LARGE1: variants seen among roughly 807,000 people sequenced by gnomAD.
LARGE1 encodes xylosyl- and glucuronyltransferase LARGE1.
LARGE1 carries 43 observed loss-of-function variants against 87.6 expected under a neutral mutation model. The observed-to-expected ratio is 0.49, with a 90% CI of 0.38 to 0.63. LARGE1 has a LOEUF of 0.63. LARGE1 is among the 30% of genes least tolerant of loss of function. LARGE1 has a pLI of 0.00. For missense variants in LARGE1, 802 were observed against 1,000.2 expected (o/e 0.80, Z 2.67); for synonymous variants, 434 against 394.6 (o/e 1.10, Z -1.18).
intron 6 of LARGE1, among the ~76,000 whole-genome samples, chr22:33,511,505 C>T (rs1235515780): frequency 6.6e-6 from 1 of 152,096 alleles, no homozygotes. Context: ...TTTTAGGTGA[C>T]CTAAGAAGTA....
At chr22:33,471,910 C>T (rs988813864) in intron 6 of LARGE1, among the ~76,000 whole-genome samples, 2 of 152,026 alleles carry the variant, frequency 1.3e-5, no homozygotes, top group Non-Finnish European at 2.9e-5. Flanking sequence ...ATTAGCTGGG[C>T]GTGGTGGCGG....
rs1555891767 is a variant in LARGE1, at chr22:33,909,530, T to TTTTTG, written c.-83+10464_-83+10465insCAAAA. Among the ~76,000 whole-genome samples the TTTTTG allele has an allele frequency of 1.7e-3, 253 of 150,998 alleles. 3 individuals are homozygous for TTTTTG. The highest frequency in any genetic ancestry group is 5.8e-3 in the African/African-American group (238 of 40,804). On this transcript the variant is annotated intron_variant, in intron 1 of 14. Transcript: ENST00000397394. ...CACCAACTTCTTCTTTTGTTTTTTT[T>TTTTTG]TTTTTGTTTTTGTTTTTGTTTTTGA...
intron 5 of LARGE1, among the ~76,000 whole-genome samples, chr22:33,591,903 G>A (rs2078850186): frequency 6.7e-6 from 1 of 148,606 alleles, no homozygotes; most frequent in African/African-American, 2.5e-5. Flanking sequence ...GCATGTGCCT[G>A]TAGTCCCAGC....
intron 6 of LARGE1, among the ~76,000 whole-genome samples, chr22:33,557,632 C>T (rs1569267909): frequency 6.6e-6 from 1 of 152,170 alleles, no homozygotes; most frequent in Non-Finnish European, 1.5e-5. Flanking sequence ...GTGGTGCAAT[C>T]TTGGCTCACT....
chr22:33,761,382 C>T lies in LARGE1; in HGVS notation c.95G>A (p.Gly32Glu). 1.9e-6 allele frequency: 3 copies of T among 1,613,758 alleles called. No individual in the cohort carries two copies. Among genetic ancestry groups the T allele is most frequent in the Non-Finnish European group, 2.5e-6 (3 of 1,179,814 alleles). Reference sequence around the variant, plus strand: ...GCTTCCATTCTTACCTTCGAAGCTCCCAGAAAACAGGTAAATCCAGGTGAT... The same window carrying T: ...GCTTCCATTCTTACCTTCGAAGCTCTCAGAAAACAGGTAAATCCAGGTGAT... Reference protein sequence around the residue: ...PAITWIYLFSGSFEDGKPVSL... With the variant: ...PAITWIYLFSESFEDGKPVSL... The change falls in exon 2 of 15, where the codon GGG becomes GAG. Residue 32 changes from glycine (G) to glutamate (E), a missense_variant. By Grantham distance (98) the Gly-to-Glu change is moderately conservative. Around this residue, in one of 2 missense-constraint regions of LARGE1, gnomAD observed 177 missense variants for 158.3 expected, o/e 1.12. Coordinates refer to ENST00000397394, the MANE Select transcript of LARGE1 (RefSeq NM_133642.5).
At chr22:33,858,703 C>T (rs1007092074) in intron 1 of LARGE1, among the ~76,000 whole-genome samples, 3 of 152,054 alleles carry the variant, frequency 2.0e-5, no homozygotes, top group Admixed American at 2.0e-4. Context: ...GGGTACATAC[C>T]CAAAGGATTA....
At chr22:33,551,130 C>T (rs2077511690) in intron 6 of LARGE1, among the ~76,000 whole-genome samples, 1 of 150,858 alleles carries the variant, frequency 6.6e-6, no homozygotes, top group African/African-American at 2.4e-5. Context: ...CCCTAAAAGC[C>T]CTGACTTCAC....
intron 1 of LARGE1, among the ~76,000 whole-genome samples, chr22:33,909,945 T>C (rs550740244): frequency 1.3e-5 from 2 of 152,258 alleles, no homozygotes; most frequent in East Asian, 3.9e-4. Flanking sequence ...CCCTTAATCC[T>C]TCCATTCAGA....
chr22:33,365,952 T>C (rs1378533060), intron 9 of LARGE1, among the ~76,000 whole-genome samples: 2 of 152,254 alleles, frequency 1.3e-5, no homozygotes, highest in Non-Finnish European at 2.9e-5. Context: ...GATTGAGTTA[T>C]TGATATCAAT....
At chr22:33,166,658 G>T in exon 12 of LARGE1, 1 of 443,650 alleles carries the variant, frequency 2.3e-6, no homozygotes, top group South Asian at 1.7e-5. Context: ...CACCTGGCAC[G>T]TACCACTTTG....
intron 1 of LARGE1, among the ~76,000 whole-genome samples, chr22:33,834,542 C>T (rs2063060295): frequency 6.6e-6 from 1 of 152,156 alleles, no homozygotes; most frequent in South Asian, 2.1e-4. Flanking sequence ...CACTACCTAC[C>T]CAAATCCTAT....
At chr22:33,284,137 C>T (rs1931060223) in intron 12 of LARGE1, among the ~76,000 whole-genome samples, 1 of 152,096 alleles carries the variant, frequency 6.6e-6, no homozygotes, top group Non-Finnish European at 1.5e-5. Context: ...CTCCTGCCAG[C>T]CAGGCACAGA....
intron 5 of LARGE1, among the ~76,000 whole-genome samples, chr22:33,566,805 G>A (rs913696858): frequency 2.6e-5 from 4 of 152,228 alleles, no homozygotes; most frequent in Non-Finnish European, 2.9e-5. Context: ...CAATCCTTTA[G>A]CTAGACACAG....
intron 7 of LARGE1, among the ~76,000 whole-genome samples, chr22:33,414,386 CT>C (rs1171530135): frequency 6.6e-6 from 1 of 151,990 alleles, no homozygotes; most frequent in African/African-American, 2.4e-5. Flanking sequence ...AACTGGAAAT[CT>C]GCTATAGTTA....
the LARGE1 span, among the ~76,000 whole-genome samples, chr22:33,121,152 C>T: frequency 6.6e-6 from 1 of 152,084 alleles, no homozygotes; most frequent in Admixed American, 6.6e-5. Context: ...ATAATGACAT[C>T]TAATTGTTGT....
chr22:33,160,148 TG>T (rs1921975008), downstream of LARGE1, among the ~76,000 whole-genome samples: 1 of 152,212 alleles, frequency 6.6e-6, no homozygotes. Context: ...ACATTACAGT[TG>T]TAGTGTCCTT....
chr22:33,072,508 T>C, the LARGE1 span, among the ~76,000 whole-genome samples: 2 of 152,156 alleles, frequency 1.3e-5, no homozygotes, highest in African/African-American at 2.4e-5. Flanking sequence ...GGTTTTTAAA[T>C]TCCTGCTGGT....
chr22:33,516,089 C>T (rs537566173), intron 6 of LARGE1, among the ~76,000 whole-genome samples: 196 of 152,282 alleles, frequency 1.3e-3, no homozygotes, highest in African/African-American at 4.5e-3. Context: ...GCAGAGGATG[C>T]AGGGAGGGTG....
chr22:33,615,573 G>C (rs2079557621), intron 4 of LARGE1, among the ~76,000 whole-genome samples: 2 of 151,814 alleles, frequency 1.3e-5, no homozygotes, highest in Admixed American at 1.3e-4. Flanking sequence ...ACCAGGAAAA[G>C]GGTCCATTCC....
Sources: allele counts gnomAD v4.1 joint callset (sites outside exome capture counted in the v4.1 genomes callset), GRCh38; gene constraint gnomAD v4.1.1; regional missense constraint gnomAD v4.1.1; transcripts MANE v1.5; gene names NCBI Gene and HGNC (gene_info 2026-07-23, HGNC 2026-07-21).